Variants in CDH12 observed in about 807,000 individuals in gnomAD.
CDH12 encodes cadherin-12.
A neutral mutation model predicts 74.1 loss-of-function variants in CDH12; 41 were observed. That is an observed-to-expected ratio of 0.55 (90% confidence interval 0.43 to 0.72). The LOEUF (loss-of-function observed/expected upper bound fraction) is 0.72, where lower values mean the gene tolerates loss of function less well. Ranked by LOEUF, CDH12 falls within the 30% of genes least tolerant of loss-of-function variation. CDH12 has a pLI of 0.00. For missense variants in CDH12, 945 were observed against 977.2 expected (o/e 0.97, Z 0.44); for synonymous variants, 399 against 355.0 (o/e 1.12, Z -1.39).
At chr5:22,476,273 C>T (rs1746164500) in intron 2 of CDH12, among the ~76,000 whole-genome samples, 1 of 151,866 alleles carries the variant, frequency 6.6e-6, no homozygotes, top group African/African-American at 2.4e-5. Flanking sequence ...AAAATTGTAG[C>T]TATATAAATA....
intron 3 of CDH12, among the ~76,000 whole-genome samples, chr5:22,364,127 G>C (rs1026983546): frequency 1.3e-5 from 2 of 152,134 alleles, no homozygotes; most frequent in Non-Finnish European, 2.9e-5. Flanking sequence ...TAAAAGATAA[G>C]ATTGTATGGC....
chr5:22,104,946 C>T (rs766774808), intron 4 of CDH12, among the ~76,000 whole-genome samples: 3 of 152,104 alleles, frequency 2.0e-5, no homozygotes, highest in Non-Finnish European at 4.4e-5. Flanking sequence ...CTGATTTCTT[C>T]TGAGGGCTAT....
At chr5:21,837,944 C>A (rs1471509207) in intron 8 of CDH12, among the ~76,000 whole-genome samples, 1 of 152,254 alleles carries the variant, frequency 6.6e-6, no homozygotes, top group East Asian at 1.9e-4. Context: ...TGATAGATTT[C>A]TTCTGTCCTC....
intron 1 of CDH12, among the ~76,000 whole-genome samples, chr5:22,668,143 T>C (rs1740714450): frequency 6.6e-6 from 1 of 152,208 alleles, no homozygotes; most frequent in South Asian, 2.1e-4. Context: ...TTCTAATTTA[T>C]TTTATTATCA....
At chr5:22,692,545 T>G (rs919469219) in intron 1 of CDH12, among the ~76,000 whole-genome samples, 5 of 152,120 alleles carry the variant, frequency 3.3e-5, no homozygotes, top group Non-Finnish European at 7.4e-5. Context: ...ATCAAACATA[T>G]GCTCCTGTAG....
intron 10 of CDH12, 23 bp from the exon 11 acceptor site, chr5:21,783,517 C>T: frequency 6.4e-7 from 1 of 1,573,382 alleles, no homozygotes; most frequent in South Asian, 1.1e-5. Context: ...AGAGTAGATG[C>T]AAATGTGCAA....
chr5:21,906,956 C>A (rs1013806578), intron 6 of CDH12, among the ~76,000 whole-genome samples: 5 of 152,178 alleles, frequency 3.3e-5, no homozygotes, highest in Non-Finnish European at 5.9e-5. Flanking sequence ...GGATTACAGG[C>A]CTGAGCCACT....
intron 4 of CDH12, among the ~76,000 whole-genome samples, chr5:22,194,308 C>CTTTTTTTTTTTTTTTTTT (rs59899245): frequency 3.6e-5 from 5 of 139,868 alleles, no homozygotes; most frequent in Non-Finnish European, 6.1e-5. Flanking sequence ...CTTTTTCTTT[C>CTTTTTTTTTTTTTTTTTT]TTTTTTTTTT....
chr5:21,806,382 ATAAC>A (rs1188702994), intron 9 of CDH12, among the ~76,000 whole-genome samples: 2 of 152,156 alleles, frequency 1.3e-5, no homozygotes, highest in Admixed American at 6.6e-5. Flanking sequence ...CTGAAAATAA[ATAAC>A]TATCATCTAT....
At chr5:22,265,097 A>T (rs1056003958) in intron 3 of CDH12, among the ~76,000 whole-genome samples, 3 of 152,192 alleles carry the variant, frequency 2.0e-5, no homozygotes, top group Admixed American at 2.0e-4. Flanking sequence ...AACAAATTAA[A>T]TCAGACATGA....
At chr5:22,230,553 C>G (rs1345115598) in intron 3 of CDH12, among the ~76,000 whole-genome samples, 1 of 150,594 alleles carries the variant, frequency 6.6e-6, no homozygotes, top group African/African-American at 2.4e-5. Context: ...CTCACGGCAA[C>G]CTCCACCTCC....
At chr5:22,655,546 T>C (rs1011461439) in intron 1 of CDH12, among the ~76,000 whole-genome samples, 5 of 152,256 alleles carry the variant, frequency 3.3e-5, no homozygotes, top group Non-Finnish European at 7.3e-5. Flanking sequence ...CATTTGTATA[T>C]GTTGCCTTTT....
intron 5 of CDH12, among the ~76,000 whole-genome samples, chr5:21,992,567 G>C (rs1031319051): frequency 6.6e-6 from 1 of 152,050 alleles, no homozygotes; most frequent in Middle Eastern, 3.4e-3. Context: ...GTGCATACGT[G>C]TTCGTAGAAC....
intron 1 of CDH12, among the ~76,000 whole-genome samples, chr5:22,774,345 C>A (rs990169410): frequency 6.6e-6 from 1 of 152,010 alleles, no homozygotes; most frequent in Non-Finnish European, 1.5e-5. Flanking sequence ...CAGCTGGAGG[C>A]CATTATCCTA....
chr5:21,931,778 T>C (rs1227282254), intron 6 of CDH12, among the ~76,000 whole-genome samples: 1 of 152,216 alleles, frequency 6.6e-6, no homozygotes, highest in African/African-American at 2.4e-5. Flanking sequence ...CTAAACCTTT[T>C]CTTGATTTTG....
intron 4 of CDH12, among the ~76,000 whole-genome samples, chr5:22,174,780 A>C (rs914462666): frequency 6.6e-6 from 1 of 151,974 alleles, no homozygotes; most frequent in African/African-American, 2.4e-5. Context: ...CCAATGATAA[A>C]AAGTTGCAAA....
At chr5:21,824,849 C>A (rs577488302) in intron 8 of CDH12, among the ~76,000 whole-genome samples, 4 of 152,126 alleles carry the variant, frequency 2.6e-5, no homozygotes, top group African/African-American at 7.2e-5. Context: ...ACAAAACATG[C>A]TTTAAAAGAC....
intron 7 of CDH12, among the ~76,000 whole-genome samples, chr5:21,842,878 C>G (rs986884104): frequency 2.6e-5 from 4 of 152,116 alleles, no homozygotes; most frequent in African/African-American, 9.7e-5. Flanking sequence ...AGATATTTCA[C>G]TAAGTTTCTC....
At chr5:22,423,538 T>C (rs1012696601) in intron 2 of CDH12, among the ~76,000 whole-genome samples, 9 of 152,226 alleles carry the variant, frequency 5.9e-5, no homozygotes, top group Non-Finnish European at 1.0e-4. Flanking sequence ...GTAGAAAAGC[T>C]ATTCTTGTCT....
Sources: allele counts gnomAD v4.1 joint callset (sites outside exome capture counted in the v4.1 genomes callset), GRCh38; gene constraint gnomAD v4.1.1; transcripts MANE v1.5; gene names NCBI Gene and HGNC (gene_info 2026-07-23, HGNC 2026-07-21).